FGF13: variants seen among roughly 807,000 people sequenced by gnomAD.
FGF13 encodes the protein fibroblast growth factor homologous factor 2.
FGF13 carries 2 observed loss-of-function variants against 19.5 expected under a neutral mutation model. The observed-to-expected ratio is 0.10, with a 90% confidence interval of 0.04 to 0.32. The LOEUF is 0.32. Ranked by LOEUF, FGF13 falls within the 10% of genes least tolerant of loss-of-function variation. The probability of loss-of-function intolerance (pLI) is 1.00; values close to 1 mark genes in which losing one functional copy is unlikely to be tolerated. For missense variants in FGF13, 113 were observed against 192.7 expected, an observed-to-expected ratio of 0.59 and a Z score of 2.45; for synonymous variants, 72 against 76.9, an observed-to-expected ratio of 0.94 and a Z score of 0.33.
intron 1 of FGF13, among the ~76,000 whole-genome samples, chrX:138,922,184 G>C (rs2091650220): frequency 9.0e-6 from 1 of 110,837 alleles, no homozygotes; most frequent in African/African-American, 3.3e-5. Context: ...CTAAATTGGG[G>C]ATTTCTAACT....
At chrX:139,176,587 G>A (rs2084187596) in intron 1 of FGF13, among the ~76,000 whole-genome samples, 1 of 110,319 alleles carries the variant, frequency 9.1e-6, no homozygotes, top group Non-Finnish European at 1.9e-5. Flanking sequence ...CACTGCTTTA[G>A]CTATGTCCCA....
At chrX:138,753,904 T>A (rs2090415309) in intron 3 of FGF13, among the ~76,000 whole-genome samples, 1 of 112,135 alleles carries the variant, frequency 8.9e-6, no homozygotes, top group African/African-American at 3.2e-5. Flanking sequence ...CTTACTGCTC[T>A]CTAAATAGCT....
At chrX:138,811,695 G>A (rs1421849734) in intron 3 of FGF13, among the ~76,000 whole-genome samples, 1 of 110,886 alleles carries the variant, frequency 9.0e-6, no homozygotes, top group Non-Finnish European at 1.9e-5. Flanking sequence ...GTAGCTCTAT[G>A]TCAAACTTCT....
At chrX:138,959,300 G>C (rs996198493) in intron 1 of FGF13, among the ~76,000 whole-genome samples, 3 of 111,860 alleles carry the variant, frequency 2.7e-5, no homozygotes, top group Non-Finnish European at 3.8e-5. Flanking sequence ...TTCAGGAGCA[G>C]GTTGTTCAGA....
At chrX:138,700,423 T>G (rs1231586660) in intron 3 of FGF13, among the ~76,000 whole-genome samples, 1 of 111,524 alleles carries the variant, frequency 9.0e-6, no homozygotes, top group Non-Finnish European at 1.9e-5. Flanking sequence ...TTGGTTGCTG[T>G]CTCTTCTTGA....
intron 3 of FGF13, among the ~76,000 whole-genome samples, chrX:138,833,474 T>A (rs1405860090): frequency 8.9e-6 from 1 of 111,955 alleles, no homozygotes; most frequent in African/African-American, 3.2e-5. Flanking sequence ...ACTGTTGGTG[T>A]ACAGGAATGC....
chrX:138,667,379 T>C (rs1381232913), intron 3 of FGF13, among the ~76,000 whole-genome samples: 1 of 109,818 alleles, frequency 9.1e-6, no homozygotes, highest in African/African-American at 3.3e-5. Context: ...TGGTTTTCTC[T>C]TGGTTGGGGG....
intron 3 of FGF13, among the ~76,000 whole-genome samples, chrX:138,692,742 C>T (rs1254538846): frequency 2.7e-5 from 3 of 110,341 alleles, no homozygotes; most frequent in African/African-American, 9.8e-5. Context: ...GTGTGTAAAT[C>T]CCCTTACATC....
At chrX:138,683,480 G>T (rs1224105217) in intron 3 of FGF13, among the ~76,000 whole-genome samples, 1 of 109,818 alleles carries the variant, frequency 9.1e-6, no homozygotes, top group Non-Finnish European at 1.9e-5. Context: ...TTCTCTTGTT[G>T]TATAGGGTAT....
At chrX:139,170,401 C>T (rs189288074) in intron 1 of FGF13, among the ~76,000 whole-genome samples, 1 of 111,831 alleles carries the variant, frequency 8.9e-6, no homozygotes, top group East Asian at 2.8e-4. Flanking sequence ...ACTAGTTCTG[C>T]TGGGATCTGG....
At chrX:138,888,355 T>G (rs17001812) in intron 1 of FGF13, among the ~76,000 whole-genome samples, 1 of 111,623 alleles carries the variant, frequency 9.0e-6, no homozygotes, top group African/African-American at 3.3e-5. Context: ...TGTTTCATTA[T>G]GATCCCAAGA....
intron 3 of FGF13, among the ~76,000 whole-genome samples, chrX:138,782,542 A>G (rs1468874387): frequency 7.4e-5 from 8 of 108,754 alleles, no homozygotes; most frequent in African/African-American, 2.3e-4. Flanking sequence ...GAGCCAAATC[A>G]TGAGTGAACT....
intron 1 of FGF13, among the ~76,000 whole-genome samples, chrX:138,879,231 A>G (rs1271801542): frequency 9.0e-6 from 1 of 111,288 alleles, no homozygotes; most frequent in Non-Finnish European, 1.9e-5. Flanking sequence ...TTTGTTGTTG[A>G]CTGTTAGGAG....
At chrX:138,670,238 T>C (rs972896090) in intron 3 of FGF13, among the ~76,000 whole-genome samples, 1 of 112,041 alleles carries the variant, frequency 8.9e-6, no homozygotes, top group African/African-American at 3.2e-5. Flanking sequence ...TTTCGCTACT[T>C]TGAAATTTAC....
At chrX:139,072,407 G>A (rs1349657195) in intron 1 of FGF13, among the ~76,000 whole-genome samples, 1 of 111,150 alleles carries the variant, frequency 9.0e-6, no homozygotes, top group African/African-American at 3.3e-5. Context: ...CTTGATCTTG[G>A]ACTTCTAGCC....
At chrX:139,177,389 T>C (rs1179777487) in intron 1 of FGF13, among the ~76,000 whole-genome samples, 1 of 110,260 alleles carries the variant, frequency 9.1e-6, no homozygotes, top group Admixed American at 9.7e-5. Flanking sequence ...TGCCAGTCTG[T>C]GTCTTTTAAT....
At chrX:139,151,899 G>T (rs2088371903) in intron 1 of FGF13, among the ~76,000 whole-genome samples, 1 of 111,635 alleles carries the variant, frequency 9.0e-6, no homozygotes, top group African/African-American at 3.3e-5. Context: ...CTATATAAAG[G>T]ACAGATATAG....
chrX:139,181,457 G>T (rs2084237044), intron 1 of FGF13, among the ~76,000 whole-genome samples: 1 of 113,027 alleles, frequency 8.8e-6, no homozygotes, highest in African/African-American at 3.2e-5. Context: ...ACTTCATTCA[G>T]ATGTTTAGCT....
At position 138,648,469 on chromosome X, in the gene FGF13, A is replaced by G. The variant is rs143184149; in HGVS notation, c.403-12814T>C. 4.9e-3 allele frequency among the ~76,000 whole-genome samples: 551 copies of G among 111,365 alleles called. 6 individuals are homozygous for G. Among genetic ancestry groups the G allele is most frequent in the African/African-American group, 0.017 (526 of 30,650 alleles). On this transcript the variant is annotated intron_variant, in intron 3 of 4. Transcript: ENST00000315930. ...GAGAAATAAGTCCAGGATGAAAAGTAGGAGATATTTTTTTCTTATGAATGG... is the reference window on the plus strand; with the variant it reads ...GAGAAATAAGTCCAGGATGAAAAGTGGGAGATATTTTTTTCTTATGAATGG...
Sources: gnomAD v4.1 joint callset for allele counts (sites outside exome capture counted in the v4.1 genomes callset) on GRCh38, gnomAD v4.1.1 for gene constraint, MANE v1.5 for transcripts, NCBI Gene and HGNC (gene_info 2026-07-23, HGNC 2026-07-21) for gene names.